Variants in KXD1 observed in about 807,000 individuals in gnomAD.
KXD1 encodes KxDL motif containing 1, also known as kxDL motif-containing protein 1.
A neutral mutation model predicts 12.1 loss-of-function variants in KXD1; 5 were observed. The observed-to-expected ratio is 0.41, with a 90% confidence interval of 0.22 to 0.87. The LOEUF is 0.87. KXD1 is among the 40% of genes least tolerant of loss of function. KXD1 has a pLI of 0.31. For synonymous variants in KXD1, 98 were observed against 100.5 expected (o/e 0.98, Z 0.15); for missense variants, 193 against 244.9 (o/e 0.79, Z 1.41).
intron 1 of KXD1, chr19:18,558,195 G>T (rs2145209816): frequency 6.6e-6 from 1 of 152,516 alleles, no homozygotes; most frequent in South Asian, 2.1e-4. Context: ...GCTGGGCGTT[G>T]CCCGGTTTGT....
rs985836766 is a variant in KXD1, at chr19:18,567,037, C to T, written c.255-95C>T. 8 of 1,137,604 alleles carry T rather than the reference C, an allele frequency of 7.0e-6. No homozygotes were observed. The African/African-American group carries it at 1.2e-4, about 17-fold the overall frequency. 70.5% of individuals were successfully genotyped at this position (1,137,604 alleles called of 1,614,324 possible). A position where few individuals can be genotyped will look rare whatever the true frequency, so the allele number is the denominator to read the frequency against. The stretch of plus-strand genomic sequence containing the variant: ...GTGGGGGTTCTCACTCCCGTCTCCC[C>T]TTGCCCTCAGCTGGCAGCAGGGGCT... On this transcript the variant is annotated intron_variant, in intron 3 of 4. Coordinates refer to ENST00000222307, the MANE Select transcript of KXD1 (RefSeq NM_024069.4).
chr19:18,560,731 C>T (rs1476630499), intron 1 of KXD1, among the ~76,000 whole-genome samples: 1 of 149,988 alleles, frequency 6.7e-6, no homozygotes, highest in Non-Finnish European at 1.5e-5. Flanking sequence ...TTTTTTGAGA[C>T]GGAGTCTCTC....
chr19:18,559,986 T>TTCCTTCCCTCCC (rs1444428268), intron 1 of KXD1: 1 of 111,270 alleles, frequency 9.0e-6, no homozygotes, highest in African/African-American at 4.4e-5. Flanking sequence ...TCTCCCTTCC[T>TTCCTTCCCTCCC]TCCTTCCCTC....
chr19:18,560,860 C>T (rs1023382139), intron 1 of KXD1, among the ~76,000 whole-genome samples: 1 of 152,036 alleles, frequency 6.6e-6, no homozygotes, highest in Non-Finnish European at 1.5e-5. Context: ...GTGCCCACCA[C>T]CATGCCTGGC....
In KXD1 at chr19:18,568,678, AG is replaced by A. The variant is rs1975382649; in HGVS notation, c.*49del. ...GGGGGTCTCAGGGCAGCAGCATACAAGGTGGCAGCGGGTAACCCTGCCTTGT... is the reference window on the plus strand; with the variant it reads ...GGGGGTCTCAGGGCAGCAGCATACAAGTGGCAGCGGGTAACCCTGCCTTGT... On this transcript the variant is annotated 3_prime_UTR_variant, in exon 5 of 5. Transcript: ENST00000222307. 6.9e-7 allele frequency: 1 copy of A among 1,456,982 alleles called. No homozygotes were observed. The highest frequency in any genetic ancestry group is 1.4e-5 in the African/African-American group (1 of 71,896). 90.3% of individuals were successfully genotyped at this position (1,456,982 alleles called of 1,614,324 possible).
chr19:18,565,951 G>A (rs117188839), intron 3 of KXD1, among the ~76,000 whole-genome samples: 41 of 152,322 alleles, frequency 2.7e-4, no homozygotes, highest in Non-Finnish European at 4.4e-4. Context: ...GCCTCCTAAA[G>A]TGTTGGGATT....
intron 1 of KXD1, chr19:18,559,844 C>T (rs1019616169): frequency 1.3e-5 from 2 of 152,168 alleles, no homozygotes; most frequent in Non-Finnish European, 2.9e-5. Context: ...TGGGAGAGTA[C>T]ATTAAGTGAG....
chr19:18,567,504 G>A (rs537991101), intron 4 of KXD1, among the ~76,000 whole-genome samples: 64 of 152,284 alleles, frequency 4.2e-4, no homozygotes, highest in Non-Finnish European at 3.8e-4. Flanking sequence ...CCCCGACATC[G>A]TCTCGCCTTC....
At chr19:18,561,238 T>TAACA (rs749425558) in intron 1 of KXD1, among the ~76,000 whole-genome samples, 5 of 151,484 alleles carry the variant, frequency 3.3e-5, no homozygotes, top group Non-Finnish European at 7.4e-5. Flanking sequence ...CCCTGTCTCT[T>TAACA]AACAAACAAA....
intron 3 of KXD1, 38 bp from the exon 4 acceptor site, chr19:18,567,094 C>G: frequency 1.2e-6 from 2 of 1,604,162 alleles, no homozygotes; most frequent in East Asian, 4.5e-5. Flanking sequence ...CCTACCTGCT[C>G]AGCAGGTTAA....
At chr19:18,561,035 C>T (rs1315766183) in intron 1 of KXD1, among the ~76,000 whole-genome samples, 9 of 151,864 alleles carry the variant, frequency 5.9e-5, no homozygotes, top group East Asian at 1.9e-4. Flanking sequence ...GACGTTGTGG[C>T]GGTGACAGGC....
intron 3 of KXD1, among the ~76,000 whole-genome samples, chr19:18,565,939 C>T (rs1255245524): frequency 3.9e-5 from 6 of 152,242 alleles, no homozygotes; most frequent in Middle Eastern, 3.4e-3. Flanking sequence ...CTGCCTGCCT[C>T]GGCCTCCTAA....
intron 4 of KXD1, among the ~76,000 whole-genome samples, chr19:18,567,762 G>A (rs1975323679): frequency 1.3e-5 from 2 of 152,194 alleles, no homozygotes; most frequent in African/African-American, 4.8e-5. Flanking sequence ...AAGGCCGACA[G>A]CTCTCCATCC....
chr19:18,564,845 C>T lies in KXD1; in HGVS notation c.102-24C>T, dbSNP rs1975124976. ...AGGGCCCTGAAGCTGGGCAGTGAAG[C>T]TCATGCCCTCTCTCCACCATCAGGC... On this transcript the variant is annotated intron_variant, in intron 2 of 4. Transcript: ENST00000222307. 1.9e-6 allele frequency: 3 copies of T among 1,612,428 alleles called. No homozygotes were observed. The African/African-American group carries it at 4.0e-5, about 21-fold the overall frequency.
intron 2 of KXD1, among the ~76,000 whole-genome samples, chr19:18,562,438 G>A (rs1329656050): frequency 6.6e-6 from 1 of 152,120 alleles, no homozygotes; most frequent in African/African-American, 2.4e-5. Context: ...ACCAGAGGGG[G>A]CCACATGCAG....
intron 3 of KXD1, chr19:18,565,304 A>C: frequency 1.6e-5 from 11 of 671,788 alleles, no homozygotes; most frequent in Non-Finnish European, 2.4e-5. Context: ...ACCTCAGCTC[A>C]CTGCAAGCTC....
chr19:18,567,251 A>AAGGTGG, intron 4 of KXD1, 73 bp downstream of exon 4: 1 of 1,469,668 alleles, frequency 6.8e-7, no homozygotes, highest in Non-Finnish European at 9.5e-7. Flanking sequence ...CTGGAAGGCC[A>AAGGTGG]CCTTGGGGCC....
chr19:18,563,543 C>A (rs1048663256), intron 2 of KXD1, among the ~76,000 whole-genome samples: 1 of 151,958 alleles, frequency 6.6e-6, no homozygotes, highest in Non-Finnish European at 1.5e-5. Context: ...CTCGCTCTCT[C>A]GCCAGGCTGG....
At chr19:18,561,852 C>T (rs760818916) in intron 1 of KXD1, 184 bp from the exon 2 acceptor site, 1 of 492,530 alleles carries the variant, frequency 2.0e-6, no homozygotes, top group Non-Finnish European at 3.6e-6. Context: ...TGCCCAATAC[C>T]TCCAAATTCC....
Sources: gnomAD v4.1 joint callset for allele counts (sites outside exome capture counted in the v4.1 genomes callset) on GRCh38, gnomAD v4.1.1 for gene constraint, MANE v1.5 for transcripts, NCBI Gene and HGNC (gene_info 2026-07-23, HGNC 2026-07-21) for gene names.